The following SLC25A48 variants were observed in gnomAD, a reference collection of about 807,000 sequenced individuals.
The protein encoded by SLC25A48 is solute carrier family 25 member 48.
In SLC25A48, 29 loss-of-function variants were observed where a neutral mutation model predicts 32.2. The ratio of observed to expected loss-of-function variants is 0.90; its 90% confidence interval spans 0.67 to 1.23. The LOEUF is 1.23. Ranked by LOEUF, SLC25A48 falls within the 50% of genes most tolerant of loss-of-function variation. SLC25A48 has a pLI of 0.00. For missense variants in SLC25A48, 399 were observed against 422.7 expected (o/e 0.94, Z 0.49); for synonymous variants, 164 against 172.3 (o/e 0.95, Z 0.38).
chr5:135,742,065 T>C (rs1755512428), intron 3 of SLC25A48, among the ~76,000 whole-genome samples: 3 of 152,172 alleles, frequency 2.0e-5, no homozygotes, highest in Admixed American at 2.0e-4. Context: ...GAATCAGTTT[T>C]TTTAATTATT....
chr5:135,878,028 A>C (rs975680160), intron 6 of SLC25A48, among the ~76,000 whole-genome samples: 1 of 152,014 alleles, frequency 6.6e-6, no homozygotes, highest in South Asian at 2.1e-4. Flanking sequence ...GGAAAGAGTG[A>C]CCCTAGGCCA....
At position 135,674,083 on chromosome 5, in the gene SLC25A48, T is replaced by A. The variant is rs546517536; in HGVS notation, c.-521+39127T>A. On this transcript the variant is annotated intron_variant, in intron 3 of 10. Coordinates refer to the SLC25A48 transcript ENST00000646290. The stretch of plus-strand genomic sequence containing the variant: ...ATGTTTCATTTGTTAATATATATAT[T>A]TTTGTGTGACCCACACTGCCTTGCT... Among the ~76,000 whole-genome samples, 3 of 152,116 alleles carry A rather than the reference T, an allele frequency of 2.0e-5. No individual in the cohort carries two copies. The East Asian group carries it at 5.8e-4, about 29-fold the overall frequency.
rs10455057 is a variant in SLC25A48, at chr5:135,850,452, G to A, written c.118G>A (p.Gly40Arg). ...TCGCCTGCAGGCTGGCGTTGGCTAC[G>A]GAAACACCCTCAGCTGCATCCGCGT... ...KTRLQAGVGY[G>R]NTLSCIRVVY... The change falls in exon 3 of 8, where the codon GGA becomes AGA. Residue 40 changes from glycine (G) to arginine (R), a missense_variant. Physicochemically the swap from Gly to Arg is moderately radical, Grantham distance 125 (BLOSUM62 -2). Coordinates refer to ENST00000681962, the MANE Select transcript of SLC25A48 (RefSeq NM_001349336.2). The A allele has an allele frequency of 2.7e-3, 4,324 of 1,614,160 alleles. 18 individuals carry two copies. Among genetic ancestry groups the A allele is most frequent in the Middle Eastern group, 4.5e-3 (27 of 6,062 alleles).
intron 3 of SLC25A48, among the ~76,000 whole-genome samples, chr5:135,766,773 A>G (rs1341714401): frequency 6.6e-6 from 1 of 151,674 alleles, no homozygotes; most frequent in Non-Finnish European, 1.5e-5. Flanking sequence ...TATGGTTCAT[A>G]ATATACGGGG....
intron 3 of SLC25A48, among the ~76,000 whole-genome samples, chr5:135,667,305 C>A (rs934041849): frequency 1.3e-5 from 2 of 152,186 alleles, no homozygotes; most frequent in Non-Finnish European, 2.9e-5. Flanking sequence ...TTAGGCCATT[C>A]TAAAAAGGAT....
At chr5:135,848,314 C>T (rs1580980331) in intron 2 of SLC25A48, among the ~76,000 whole-genome samples, 1 of 152,152 alleles carries the variant, frequency 6.6e-6, no homozygotes, top group African/African-American at 2.4e-5. Context: ...CCAGGGACAG[C>T]CCTGGGAGAG....
chr5:135,664,399 C>T (rs1418973183), intron 3 of SLC25A48, among the ~76,000 whole-genome samples: 1 of 152,186 alleles, frequency 6.6e-6, no homozygotes, highest in African/African-American at 2.4e-5. Flanking sequence ...ATGGACCGAT[C>T]TAGAATGGAC....
chr5:135,827,015 C>T (rs1011983370), intron 4 of SLC25A48: 2 of 152,320 alleles, frequency 1.3e-5, no homozygotes, highest in African/African-American at 4.8e-5. Context: ...CCTCCTTGGA[C>T]CTTGTGGACC....
intron 3 of SLC25A48, among the ~76,000 whole-genome samples, chr5:135,732,923 T>C (rs1293882052): frequency 6.6e-6 from 1 of 152,202 alleles, no homozygotes; most frequent in African/African-American, 2.4e-5. Flanking sequence ...TGCCTTTTGA[T>C]GGCTCTTGCA....
At chr5:135,650,390 C>A in intron 3 of SLC25A48, 1 of 455,894 alleles carries the variant, frequency 2.2e-6, no homozygotes, top group Non-Finnish European at 4.4e-6. Context: ...AGTGTGGCAA[C>A]ATTGATTGAG....
intron 3 of SLC25A48, among the ~76,000 whole-genome samples, chr5:135,682,663 A>G (rs1753924918): frequency 6.6e-6 from 1 of 152,154 alleles, no homozygotes; most frequent in Admixed American, 6.5e-5. Flanking sequence ...AAGAGAAAAA[A>G]GGGCTGCTGG....
At chr5:135,806,239 A>G (rs913772026) in intron 3 of SLC25A48, among the ~76,000 whole-genome samples, 4 of 151,698 alleles carry the variant, frequency 2.6e-5, no homozygotes, top group Non-Finnish European at 4.4e-5. Flanking sequence ...CAGTGGATGT[A>G]CACCCTGTGG....
chr5:135,773,443 G>A (rs917589026), intron 3 of SLC25A48, among the ~76,000 whole-genome samples: 1 of 151,442 alleles, frequency 6.6e-6, no homozygotes, highest in African/African-American at 2.4e-5. Context: ...ATAACGCAGG[G>A]GGTGTACACC....
chr5:135,646,637 G>A (rs1187356454), intron 3 of SLC25A48, among the ~76,000 whole-genome samples: 8 of 115,044 alleles, frequency 7.0e-5, no homozygotes, highest in Middle Eastern at 4.2e-3. Flanking sequence ...ATATATATAC[G>A]CATTTATAAT....
intron 1 of SLC25A48, among the ~76,000 whole-genome samples, chr5:135,613,983 CAT>C (rs777394552): frequency 7.9e-5 from 12 of 152,012 alleles, no homozygotes; most frequent in Non-Finnish European, 1.8e-4. Flanking sequence ...TGAAAAATGA[CAT>C]TGTTATTTTG....
chr5:135,863,225 A>T (rs1206127662), intron 4 of SLC25A48, among the ~76,000 whole-genome samples: 1 of 152,206 alleles, frequency 6.6e-6, no homozygotes, highest in African/African-American at 2.4e-5. Flanking sequence ...CAGGGAATTA[A>T]GTAGCAAATG....
intron 1 of SLC25A48, among the ~76,000 whole-genome samples, chr5:135,603,565 TG>T (rs35515753): frequency 1.3e-5 from 2 of 151,786 alleles, no homozygotes; most frequent in African/African-American, 2.4e-5. Context: ...TGTCTGGTGG[TG>T]GGGGGGTGCG....
intron 3 of SLC25A48, among the ~76,000 whole-genome samples, chr5:135,742,208 T>C (rs1346376332): frequency 1.3e-5 from 2 of 152,224 alleles, no homozygotes; most frequent in Non-Finnish European, 2.9e-5. Context: ...TCCTCCTGAA[T>C]AGCTGGGATT....
At position 135,678,325 on chromosome 5, in the gene SLC25A48, T is replaced by C. The variant is rs917105821; in HGVS notation, c.-521+43369T>C. Among the ~76,000 whole-genome samples the C allele has an allele frequency of 3.9e-5, 6 of 152,308 alleles. No individual in the cohort carries two copies. In the South Asian group the frequency reaches 1.2e-3, roughly 32 times the overall value. ...CTAGTCTATTGTTGAAGCTTTCCAATGTATTTTACATTTTGTTTAATGATT... is the reference window on the plus strand; with the variant it reads ...CTAGTCTATTGTTGAAGCTTTCCAACGTATTTTACATTTTGTTTAATGATT... On this transcript the variant is annotated intron_variant, in intron 3 of 10. Coordinates refer to the SLC25A48 transcript ENST00000646290.
Sources: allele counts gnomAD v4.1 joint callset (sites outside exome capture counted in the v4.1 genomes callset), GRCh38; gene constraint gnomAD v4.1.1; transcripts MANE v1.5; gene names NCBI Gene and HGNC (gene_info 2026-07-23, HGNC 2026-07-21).